CRB1: variants seen among roughly 807,000 people sequenced by gnomAD.
The protein encoded by CRB1 is protein crumbs homolog 1.
In CRB1, 83 loss-of-function variants were observed where a neutral mutation model predicts 120.0. That is an observed-to-expected ratio of 0.69 (90% CI 0.58 to 0.83). The LOEUF is 0.83. Ranked by LOEUF, CRB1 falls within the 40% of genes least tolerant of loss-of-function variation. CRB1 has a pLI of 0.00. For synonymous variants in CRB1, 625 were observed against 612.5 expected, an observed-to-expected ratio of 1.02 and a Z score of -0.30; for missense variants, 1,699 against 1,687.6, an observed-to-expected ratio of 1.01 and a Z score of -0.12.
intron 1 of CRB1, among the ~76,000 whole-genome samples, chr1:197,298,746 C>A (rs1182553233): frequency 6.6e-6 from 1 of 151,926 alleles, no homozygotes; most frequent in Non-Finnish European, 1.5e-5. Context: ...GAAAATTATA[C>A]ATAAGAGAAA....
chr1:197,220,192 A>G, the CRB1 span, among the ~76,000 whole-genome samples: 2 of 152,236 alleles, frequency 1.3e-5, no homozygotes, highest in South Asian at 4.1e-4. Flanking sequence ...CAAAAAAGAA[A>G]AGGAATAAAA....
At chr1:197,450,791 A>T (rs1665927612) in intron 11 of CRB1, among the ~76,000 whole-genome samples, 1 of 138,504 alleles carries the variant, frequency 7.2e-6, no homozygotes, top group Admixed American at 7.4e-5. Flanking sequence ...ATACAAAAAA[A>T]AAAAAAAAAA....
intron 5 of CRB1, among the ~76,000 whole-genome samples, chr1:197,405,549 G>A (rs537551452): frequency 2.6e-5 from 4 of 151,882 alleles, no homozygotes; most frequent in East Asian, 2.0e-4. Flanking sequence ...CGTCTGGGAC[G>A]TGAGGAACCC....
At chr1:197,259,983 TA>T in the CRB1 span, among the ~76,000 whole-genome samples, 1,266 of 131,014 alleles carry the variant, frequency 9.7e-3, 1 homozygote, top group African/African-American at 0.015. Context: ...GCCCCATGTC[TA>T]AAAAAAAAAA....
chr1:197,203,787 T>C, the CRB1 span, among the ~76,000 whole-genome samples: 1 of 152,218 alleles, frequency 6.6e-6, no homozygotes, highest in African/African-American at 2.4e-5. Flanking sequence ...ATCCTATGGA[T>C]TAATTACTTT....
At chr1:197,469,574 C>T (rs945172516) in intron 11 of CRB1, among the ~76,000 whole-genome samples, 5 of 151,954 alleles carry the variant, frequency 3.3e-5, no homozygotes, top group African/African-American at 4.8e-5. Context: ...ATGAGTTACA[C>T]GCTCTGAATC....
chr1:197,428,909 T>C, intron 7 of CRB1: 1 of 1,485,318 alleles, frequency 6.7e-7, no homozygotes, highest in Non-Finnish European at 9.0e-7. Flanking sequence ...AATACTTTCA[T>C]TTTGAATACT....
chr1:197,203,855 G>A, the CRB1 span, among the ~76,000 whole-genome samples: 1 of 152,122 alleles, frequency 6.6e-6, no homozygotes, highest in South Asian at 2.1e-4. Flanking sequence ...ACGTGAATAA[G>A]TTCTTTAGTG....
the CRB1 span, among the ~76,000 whole-genome samples, chr1:197,225,872 C>T: frequency 2.6e-5 from 4 of 152,258 alleles, no homozygotes; most frequent in Non-Finnish European, 4.4e-5. Context: ...TTTTGAGCCT[C>T]GGTCCACCCC....
the CRB1 span, among the ~76,000 whole-genome samples, chr1:197,260,197 A>G: frequency 2.7e-5 from 1 of 37,422 alleles, no homozygotes. Context: ...GAAGAGGAAG[A>G]GGAAGAAGAG....
At position 197,352,899 on chromosome 1, in the gene CRB1, A is replaced by G. The variant is rs117068927; in HGVS notation, c.989-3932A>G. On this transcript the variant is annotated intron_variant, in intron 4 of 11. Coordinates refer to ENST00000367400, the MANE Select transcript of CRB1 (RefSeq NM_201253.3). ...ACAATCTCATTATTTGCTTATTAAT[A>G]GTCAATTCCCTGGTTTATGTGCTAA... 3.3e-3 allele frequency among the ~76,000 whole-genome samples: 498 copies of G among 152,316 alleles called. 5 individuals carry two copies. Among genetic ancestry groups the G allele is most frequent in the East Asian group, 0.027 (139 of 5,182 alleles).
At chr1:197,243,642 A>G in the CRB1 span, among the ~76,000 whole-genome samples, 1 of 152,122 alleles carries the variant, frequency 6.6e-6, no homozygotes, top group Admixed American at 6.6e-5. Flanking sequence ...GGAAAAATGT[A>G]TATTTTATTG....
intron 5 of CRB1, among the ~76,000 whole-genome samples, chr1:197,415,817 T>C (rs1663969345): frequency 6.6e-6 from 1 of 151,834 alleles, no homozygotes; most frequent in South Asian, 2.1e-4. Context: ...TAATTTTTTG[T>C]ATTTTTAATA....
At chr1:197,394,380 T>C (rs1285345679) in intron 5 of CRB1, among the ~76,000 whole-genome samples, 1 of 152,076 alleles carries the variant, frequency 6.6e-6, no homozygotes, top group Non-Finnish European at 1.5e-5. Context: ...TCAATAAGGC[T>C]TCCAGTCAAC....
At chr1:197,377,347 A>G (rs1214469119) in intron 5 of CRB1, among the ~76,000 whole-genome samples, 4 of 152,190 alleles carry the variant, frequency 2.6e-5, no homozygotes, top group African/African-American at 9.7e-5. Flanking sequence ...AGGAGGCCCA[A>G]CCAATATTTC....
chr1:197,355,415 G>C (rs184848254), intron 4 of CRB1, among the ~76,000 whole-genome samples: 3 of 152,218 alleles, frequency 2.0e-5, no homozygotes, highest in African/African-American at 7.2e-5. Flanking sequence ...GCCCTTGGGC[G>C]GTTGATGGGA....
intron 1 of CRB1, among the ~76,000 whole-genome samples, chr1:197,301,869 G>T (rs1030452382): frequency 6.6e-6 from 1 of 151,916 alleles, no homozygotes; most frequent in Non-Finnish European, 1.5e-5. Context: ...TTGAATGGAT[G>T]CAAAGTTGCT....
intron 2 of CRB1, among the ~76,000 whole-genome samples, chr1:197,331,807 T>G (rs1245573565): frequency 1.3e-5 from 2 of 152,234 alleles, no homozygotes; most frequent in Non-Finnish European, 2.9e-5. Flanking sequence ...TATTTTACAA[T>G]GTATGTTTTT....
intron 1 of CRB1, among the ~76,000 whole-genome samples, chr1:197,277,538 C>G (rs900473316): frequency 6.6e-6 from 1 of 151,922 alleles, no homozygotes; most frequent in Non-Finnish European, 1.5e-5. Flanking sequence ...GAAATTAACT[C>G]AACAAATTAA....
Sources: gnomAD v4.1 joint callset for allele counts (sites outside exome capture counted in the v4.1 genomes callset) on GRCh38, gnomAD v4.1.1 for gene constraint, MANE v1.5 for transcripts, NCBI Gene and HGNC (gene_info 2026-07-23, HGNC 2026-07-21) for gene names.